The following NLGN2 variants were observed in gnomAD, a reference collection of about 807,000 sequenced individuals.
NLGN2 encodes neuroligin-2.
In NLGN2, 11 loss-of-function variants were observed where a neutral mutation model predicts 48.6. That is an observed-to-expected ratio of 0.23 (90% CI 0.14 to 0.37). The LOEUF (loss-of-function observed/expected upper bound fraction) is 0.37, where lower values mean the gene tolerates loss of function less well. NLGN2 is among the 10% of genes least tolerant of loss of function. The pLI is 1.00. For synonymous variants in NLGN2, 548 were observed against 550.0 expected (o/e 1.00, Z 0.05); for missense variants, 801 against 1,225.2 (o/e 0.65, Z 5.17).
intron 5 of NLGN2, 136 bp from the exon 6 acceptor site, chr17:7,415,375 A>G: frequency 1.1e-6 from 1 of 924,386 alleles, no homozygotes; most frequent in Non-Finnish European, 1.7e-6. Context: ...GATCTCCCAA[A>G]GGACCCACTG....
chr17:7,408,538 G>C lies in NLGN2; in HGVS notation c.283G>C (p.Gly95Arg). The C allele has an allele frequency of 1.3e-6, 2 of 1,545,640 alleles. No individual in the cohort carries two copies. Among genetic ancestry groups the C allele is most frequent in the Non-Finnish European group, 1.7e-6 (2 of 1,148,128 alleles). The change falls in exon 1 of 7, where the codon GGC becomes CGC. Residue 95 changes from glycine to arginine, a missense_variant. Gly to Arg is a moderately radical substitution (Grantham distance 125). Around this residue, in one of 5 missense-constraint regions of NLGN2, gnomAD observed 164 missense variants for 186.2 expected, o/e 0.88. Transcript: ENST00000302926. The surrounding 1 kb of genome is among the most constrained non-coding windows in gnomAD (Gnocchi z 7.5). ...GCCTGAGGCGCCCGCCTCGTGGCCC[G>C]GCGTGCGCAACGCCACCACCCTGCC... Reference protein sequence around the residue: ...QPPEAPASWPGVRNATTLPPA... With the variant: ...QPPEAPASWPRVRNATTLPPA...
intron 2 of NLGN2, among the ~76,000 whole-genome samples, 162 bp downstream of exon 2, chr17:7,412,369 G>T (rs1906935584): frequency 1.3e-5 from 2 of 152,060 alleles, no homozygotes; most frequent in South Asian, 4.1e-4. Context: ...TTGGAAAAAA[G>T]AATTATGAAA....
Position 7,417,583 on chromosome 17 carries a change from C to T in NLGN2, c.2292C>T (p.Ala764=). Reference sequence around the variant, plus strand: ...ACCCTGCCGAGGCTCTGCGCCCTGCCTGCCCGCCCGACTACACCCTGGCCC... The same window carrying T: ...ACCCTGCCGAGGCTCTGCGCCCTGCTTGCCCGCCCGACTACACCCTGGCCC... ...GADPAEALRP[A]CPPDYTLALR... Residue 764 remains alanine, a synonymous_variant, in exon 7 of 7, where the codon GCC becomes GCT. Coordinates refer to ENST00000302926, the MANE Select transcript of NLGN2 (RefSeq NM_020795.4). 7.0e-7 allele frequency: 1 copy of T among 1,432,898 alleles called. No homozygotes were observed. The highest frequency in any genetic ancestry group is 2.7e-5 in the Admixed American group (1 of 36,378). 88.8% of individuals were successfully genotyped at this position (1,432,898 alleles called of 1,614,324 possible). A position where few individuals can be genotyped will look rare whatever the true frequency, so the allele number is the denominator to read the frequency against.
chr17:7,408,242 G>T lies in NLGN2; in HGVS notation c.-14G>T, dbSNP rs888436765. 1.5e-5 allele frequency: 19 copies of T among 1,258,818 alleles called. No homozygotes were observed. The highest frequency in any genetic ancestry group is 1.8e-5 in the Non-Finnish European group (18 of 993,200). The allele number at this position is 1,258,818 out of a possible 1,614,324, so 78.0% of individuals were successfully genotyped here. ...GGGGGGTCCCAGGGAGGGAGGGGGG[G>T]TCCCCCGATCAGCATGTGGCTCCTG... On this transcript the variant is annotated 5_prime_UTR_variant, in exon 1 of 7. Coordinates refer to ENST00000302926, the MANE Select transcript of NLGN2 (RefSeq NM_020795.4). The surrounding 1 kb of genome is among the most constrained non-coding windows in gnomAD (Gnocchi z 7.5).
At position 7,408,741 on chromosome 17, in the gene NLGN2, C is replaced by T. The variant is rs1373194626; in HGVS notation, c.457+29C>T. 1.9e-6 allele frequency: 3 copies of T among 1,611,688 alleles called. No individual in the cohort carries two copies. The highest frequency in any genetic ancestry group is 2.7e-5 in the African/African-American group (2 of 74,820). On this transcript the variant is annotated intron_variant, in intron 1 of 6. Coordinates refer to ENST00000302926, the MANE Select transcript of NLGN2 (RefSeq NM_020795.4). This position sits in a 1 kb window ranked among gnomAD's most constrained non-coding sequence, Gnocchi z 7.5. Reference sequence around the variant, plus strand: ...AGGGCGCGGGCACAAAGCCGGGCACCCCGTGGACACAGCCCACAAACGCAC... The same window carrying T: ...AGGGCGCGGGCACAAAGCCGGGCACTCCGTGGACACAGCCCACAAACGCAC...
In NLGN2 at chr17:7,408,248, CG is replaced by C. The variant is rs1406938910; in HGVS notation, c.-7del. 1.6e-5 allele frequency: 21 copies of C among 1,278,164 alleles called. No individual in the cohort carries two copies. Among genetic ancestry groups the C allele is most frequent in the Middle Eastern group, 2.9e-4 (1 of 3,398 alleles). The allele number at this position is 1,278,164 out of a possible 1,614,324, so 79.2% of individuals were successfully genotyped here. A position where few individuals can be genotyped will look rare whatever the true frequency, so the allele number is the denominator to read the frequency against. ...TCCCAGGGAGGGAGGGGGGGTCCCC[CG>C]ATCAGCATGTGGCTCCTGGCGCTGT... On this transcript the variant is annotated 5_prime_UTR_variant, in exon 1 of 7. Coordinates refer to ENST00000302926, the MANE Select transcript of NLGN2 (RefSeq NM_020795.4). This position sits in a 1 kb window ranked among gnomAD's most constrained non-coding sequence, Gnocchi z 7.5.
In NLGN2 at chr17:7,408,080, A is replaced by C; in HGVS notation, c.-176A>C. ...ACCCCGTGCCCCCTCCATGGAGAGG[A>C]ACAGACCCCTTCTCTGTCCAGTCTA... On this transcript the variant is annotated 5_prime_UTR_variant, in exon 1 of 7. Transcript: ENST00000302926. This position sits in a 1 kb window ranked among gnomAD's most constrained non-coding sequence, Gnocchi z 7.5. The C allele has an allele frequency of 1.2e-5, 4 of 338,992 alleles. No homozygotes were observed. The highest frequency in any genetic ancestry group is 2.3e-5 in the African/African-American group (1 of 44,334). The allele number at this position is 338,992 out of a possible 1,614,324, so 21.0% of individuals were successfully genotyped here.
rs1363889017 is a variant in NLGN2 at position 7,417,217 on chromosome 17, G to T, written c.1926G>T (p.Arg642=). Residue 642 remains arginine, a synonymous_variant, in exon 7 of 7, where the codon CGG becomes CGT. Coordinates refer to ENST00000302926, the MANE Select transcript of NLGN2 (RefSeq NM_020795.4). Reference sequence around the variant, plus strand: ...CCGCTGGCGCCCCGGGCACACGCCGGCCCCCGCCGCCTGCCACCCTGCCTC... The same window carrying T: ...CCGCTGGCGCCCCGGGCACACGCCGTCCCCCGCCGCCTGCCACCCTGCCTC... The part of the protein sequence containing the change: ...RPPAGAPGTR[R]PPPPATLPPE... 3 of 1,534,200 alleles carry T rather than the reference G, an allele frequency of 2.0e-6. No individual in the cohort carries two copies. The highest frequency in any genetic ancestry group is 2.8e-5 in the African/African-American group (2 of 71,802).
rs1400691793 is a variant in NLGN2 at position 7,417,966 on chromosome 17, CAG to C, written c.*171_*172del. Reference sequence around the variant, plus strand: ...CCCTGCGATGCGTGTCTTTCCCACGCAGAGAAGCCCAGTCTCTTCTCTGGATC... The same window carrying C: ...CCCTGCGATGCGTGTCTTTCCCACGCAGAAGCCCAGTCTCTTCTCTGGATC... On this transcript the variant is annotated 3_prime_UTR_variant, in exon 7 of 7. Coordinates refer to ENST00000302926, the MANE Select transcript of NLGN2 (RefSeq NM_020795.4). The C allele has an allele frequency of 5.1e-5, 26 of 513,650 alleles. No homozygotes were observed. Among genetic ancestry groups the C allele is most frequent in the Non-Finnish European group, 7.5e-5 (25 of 332,356 alleles). The allele number at this position is 513,650 out of a possible 1,614,324, so 31.8% of individuals were successfully genotyped here. A position where few individuals can be genotyped will look rare whatever the true frequency, so the allele number is the denominator to read the frequency against.
intron 2 of NLGN2, 45 bp from the exon 3 acceptor site, chr17:7,414,299 T>C (rs1188610497): frequency 1.9e-6 from 3 of 1,558,298 alleles, no homozygotes; most frequent in African/African-American, 1.5e-5. Context: ...GACTGTGTCC[T>C]TGTCCCTGAC....
At chr17:7,404,733 C>T (rs1906538798), upstream of NLGN2, 4 of 152,174 alleles carry the variant, frequency 2.6e-5, no homozygotes. Flanking sequence ...ATCTGTCCGT[C>T]TGTCCGCTCC....
Position 7,413,750 on chromosome 17 carries a change from G to C in NLGN2, c.509-594G>C, listed in dbSNP as rs901049057. Among the ~76,000 whole-genome samples, 3 of 152,106 alleles carry C rather than the reference G, an allele frequency of 2.0e-5. No homozygotes were observed. Among genetic ancestry groups the C allele is most frequent in the African/African-American group, 7.2e-5 (3 of 41,410 alleles). ...TCCTCCTGCCACAGTAATTAGGCTG[G>C]GGGTTGCCATGGTGACTGGGGAGGT... On this transcript the variant is annotated intron_variant, in intron 2 of 6. Coordinates refer to ENST00000302926, the MANE Select transcript of NLGN2 (RefSeq NM_020795.4). The surrounding 1 kb of genome is among the most constrained non-coding windows in gnomAD (Gnocchi z 4.9).
chr17:7,414,591 G>A (rs1284942470), intron 3 of NLGN2, 72 bp from the exon 4 acceptor site: 1 of 1,610,478 alleles, frequency 6.2e-7, no homozygotes, highest in African/African-American at 1.3e-5. Flanking sequence ...TTCTGGGCTG[G>A]ACTGAGCTGC....
At chr17:7,412,270 C>T in intron 2 of NLGN2, 63 bp downstream of exon 2, 4 of 1,290,062 alleles carry the variant, frequency 3.1e-6, no homozygotes, top group East Asian at 2.3e-5. Flanking sequence ...TGGCCCTGCC[C>T]CTCACTAAAT....
chr17:7,414,721 C>A lies in NLGN2; in HGVS notation c.717C>A (p.Ile239=). Residue 239 remains isoleucine, a synonymous_variant, in exon 4 of 7, where the codon ATC becomes ATA. Coordinates refer to ENST00000302926, the MANE Select transcript of NLGN2 (RefSeq NM_020795.4). The part of the protein sequence containing the change: ...AKGNYGLLDQ[I]QALRWLSENI... The stretch of plus-strand genomic sequence containing the variant: ...GCAACTATGGGCTCCTGGACCAGAT[C>A]CAGGCCCTGCGCTGGCTCAGTGAAA... 1 of 1,614,196 alleles carries A rather than the reference C, an allele frequency of 6.2e-7. No homozygotes were observed. Among genetic ancestry groups the A allele is most frequent in the Admixed American group, 1.7e-5 (1 of 60,030 alleles).
In NLGN2 at chr17:7,417,106, G is replaced by T; in HGVS notation, c.1815G>T (p.Val605=). Residue 605 remains valine, a synonymous_variant, in exon 7 of 7, where the codon GTG becomes GTT. Transcript: ENST00000302926. ...ANKVAFWLEL[V]PHLHNLHTEL... is the part of the protein sequence containing the mutation. ...AGGTGGCCTTCTGGCTGGAGCTCGTGCCCCACCTGCACAACCTGCACACGG... is the reference window on the plus strand; with the variant it reads ...AGGTGGCCTTCTGGCTGGAGCTCGTTCCCCACCTGCACAACCTGCACACGG... 6.2e-7 allele frequency: 1 copy of T among 1,612,828 alleles called. No homozygotes were observed.
Position 7,413,873 on chromosome 17 carries a change from C to T in NLGN2, c.509-471C>T, listed in dbSNP as rs1906991607. ...GACCAGGGACCCTAGGCCTGGCACC[C>T]CTCACCCACCGACCAGGGTGCCATG... is the stretch of plus-strand genomic sequence containing the variant. On this transcript the variant is annotated intron_variant, in intron 2 of 6. Transcript: ENST00000302926. The surrounding 1 kb of genome is among the most constrained non-coding windows in gnomAD (Gnocchi z 4.9). 6.6e-6 allele frequency among the ~76,000 whole-genome samples: 1 copy of T among 151,986 alleles called. No homozygotes were observed. Among genetic ancestry groups the T allele is most frequent in the Admixed American group, 6.5e-5 (1 of 15,270 alleles).
At position 7,408,442 on chromosome 17, in the gene NLGN2, C is replaced by T. The variant is rs1182638051; in HGVS notation, c.187C>T (p.Leu63=). 1 of 1,568,186 alleles carries T rather than the reference C, an allele frequency of 6.4e-7. No homozygotes were observed. Among genetic ancestry groups the T allele is most frequent in the Non-Finnish European group, 8.6e-7 (1 of 1,161,316 alleles). The change falls in exon 1 of 7, where the codon CTG becomes TTG. Residue 63 remains leucine, a synonymous_variant. Coordinates refer to ENST00000302926, the MANE Select transcript of NLGN2 (RefSeq NM_020795.4). The surrounding 1 kb of genome is among the most constrained non-coding windows in gnomAD (Gnocchi z 7.5). The stretch of plus-strand genomic sequence containing the variant: ...GCGGCGCGAGCTCAACAACGAGATC[C>T]TGGGCCCCGTCGTGCAGTTCTTGGG... ...GVRRELNNEI[L]GPVVQFLGVP...
chr17:7,407,447 G>T (rs1292603186), upstream of NLGN2, among the ~76,000 whole-genome samples: 4 of 152,222 alleles, frequency 2.6e-5, no homozygotes, highest in Non-Finnish European at 5.9e-5. Context: ...AAGGTGCTAG[G>T]TTTGTGCAGT....
Sources: gnomAD v4.1 joint callset for allele counts (sites outside exome capture counted in the v4.1 genomes callset) on GRCh38, gnomAD v4.1.1 for gene constraint, gnomAD v4.1.1 regional missense constraint, Gnocchi (gnomAD v3.1) non-coding constraint, MANE v1.5 for transcripts, NCBI Gene and HGNC (gene_info 2026-07-23, HGNC 2026-07-21) for gene names.